The following USP25 variants were observed in gnomAD, a reference collection of about 807,000 sequenced individuals.
USP25 encodes the protein ubiquitin specific peptidase 25.
A neutral mutation model predicts 158.5 loss-of-function variants in USP25; 85 were observed. The observed-to-expected ratio is 0.54, with a 90% CI of 0.45 to 0.64. The LOEUF (loss-of-function observed/expected upper bound fraction) is 0.64, where lower values mean the gene tolerates loss of function less well. Among genes scored for constraint, USP25 ranks in the 30% least tolerant of loss-of-function variants. USP25 has a pLI of 0.00. For synonymous variants in USP25, 464 were observed against 460.4 expected, an observed-to-expected ratio of 1.01 and a Z score of -0.10; for missense variants, 1,242 against 1,327.3, an observed-to-expected ratio of 0.94 and a Z score of 1.00.
At chr21:15,748,653 G>C (rs951156015) in intron 1 of USP25, among the ~76,000 whole-genome samples, 1 of 151,792 alleles carries the variant, frequency 6.6e-6, no homozygotes, top group African/African-American at 2.4e-5. Flanking sequence ...ATATAAACTA[G>C]GCATACATTT....
At position 15,838,038 on chromosome 21, in the gene USP25, T is replaced by G. The variant is rs184392863; in HGVS notation, c.2195-4360T>G. Among the ~76,000 whole-genome samples the G allele has an allele frequency of 3.0e-4, 46 of 152,116 alleles. 2 individuals are homozygous for G. The highest frequency in any genetic ancestry group is 1.8e-3 in the Admixed American group (27 of 15,262). ...GCCTGCCGGGTTCAAGCAATTCTTGTGCCTCAGCCTCCTGAGTAGCTGAGA... is the reference window on the plus strand; with the variant it reads ...GCCTGCCGGGTTCAAGCAATTCTTGGGCCTCAGCCTCCTGAGTAGCTGAGA... On this transcript the variant is annotated intron_variant, in intron 17 of 25. Coordinates refer to ENST00000400183, the MANE Select transcript of USP25 (RefSeq NM_001283041.3).
intron 3 of USP25, chr21:15,773,283 G>A (rs2034458313): frequency 6.6e-6 from 1 of 152,278 alleles, no homozygotes; most frequent in East Asian, 1.9e-4. Context: ...ACCCATGTGA[G>A]GTACAAGATA....
At chr21:15,738,682 G>A (rs1272119601) in intron 1 of USP25, among the ~76,000 whole-genome samples, 3 of 152,060 alleles carry the variant, frequency 2.0e-5, no homozygotes, top group African/African-American at 7.2e-5. Context: ...CATTAAGGGA[G>A]GAGACCACGC....
chr21:15,750,476 C>CTGA (rs2032921195), intron 1 of USP25, among the ~76,000 whole-genome samples: 1 of 151,546 alleles, frequency 6.6e-6, no homozygotes, highest in African/African-American at 2.4e-5. Context: ...GTGATCCACC[C>CTGA]GCGAAAGGCT....
intron 2 of USP25, among the ~76,000 whole-genome samples, chr21:15,765,031 T>G (rs1055415464): frequency 8.5e-5 from 13 of 152,146 alleles, no homozygotes; most frequent in Non-Finnish European, 1.6e-4. Flanking sequence ...TAGTCTATTC[T>G]TAATACATGG....
In USP25 at chr21:15,826,049, T is replaced by C. The variant is rs1351724127; in HGVS notation, c.1305-155T>C. ...GGGAACTTTTAATGTTTTTCTTAAG[T>C]GTATATTCAGTTTTACCATCTTCGT... On this transcript the variant is annotated intron_variant, in intron 12 of 25. Coordinates refer to ENST00000400183, the MANE Select transcript of USP25 (RefSeq NM_001283041.3). This position sits in a 1 kb window ranked among gnomAD's most constrained non-coding sequence, Gnocchi z 4.8. Among the ~76,000 whole-genome samples, 2 of 152,156 alleles carry C rather than the reference T, an allele frequency of 1.3e-5. No individual in the cohort carries two copies. The highest frequency in any genetic ancestry group is 2.4e-5 in the African/African-American group (1 of 41,420).
intron 4 of USP25, among the ~76,000 whole-genome samples, chr21:15,788,150 G>T (rs1224504732): frequency 1.3e-5 from 2 of 151,606 alleles, no homozygotes; most frequent in Admixed American, 6.6e-5. Flanking sequence ...TTTGTTATAG[G>T]CTATCTCTGA....
At chr21:15,788,910 T>A (rs1043719508) in intron 4 of USP25, among the ~76,000 whole-genome samples, 1 of 152,152 alleles carries the variant, frequency 6.6e-6, no homozygotes, top group Non-Finnish European at 1.5e-5. Context: ...TCTCTTGAAC[T>A]TTAATCAAAG....
Position 15,766,222 on chromosome 21 carries a change from A to G in USP25, c.268+81A>G. 2 of 1,353,422 alleles carry G rather than the reference A, an allele frequency of 1.5e-6. No homozygotes were observed. Among genetic ancestry groups the G allele is most frequent in the African/African-American group, 1.5e-5 (1 of 67,220 alleles). The allele number at this position is 1,353,422 out of a possible 1,614,324, so 83.8% of individuals were successfully genotyped here. A position where few individuals can be genotyped will look rare whatever the true frequency, so the allele number is the denominator to read the frequency against. ...TTGGTGTAATATATTAATGTTGCTTAAGGAGAGGTAAAGAACCAAAAAAGA... is the reference window on the plus strand; with the variant it reads ...TTGGTGTAATATATTAATGTTGCTTGAGGAGAGGTAAAGAACCAAAAAAGA... On this transcript the variant is annotated intron_variant, in intron 3 of 25. Transcript: ENST00000400183. The surrounding 1 kb of genome is among the most constrained non-coding windows in gnomAD (Gnocchi z 4.0).
chr21:15,767,075 G>C (rs1429048558), intron 3 of USP25, among the ~76,000 whole-genome samples: 2 of 151,998 alleles, frequency 1.3e-5, no homozygotes, highest in Non-Finnish European at 2.9e-5. Flanking sequence ...TAGGTGATGG[G>C]AGAATGTTTG....
At chr21:15,774,419 T>G (rs1255293169) in intron 3 of USP25, among the ~76,000 whole-genome samples, 2 of 152,200 alleles carry the variant, frequency 1.3e-5, no homozygotes, top group Non-Finnish European at 2.9e-5. Context: ...AAAGTTTAGA[T>G]TTTTGCTTGA....
At position 15,827,027 on chromosome 21, in the gene USP25, C is replaced by A. The variant is rs200026676; in HGVS notation, c.1517C>A (p.Pro506His). 15 of 1,614,030 alleles carry A rather than the reference C, an allele frequency of 9.3e-6. No individual in the cohort carries two copies. Among genetic ancestry groups the A allele is most frequent in the Non-Finnish European group, 1.2e-5 (14 of 1,180,042 alleles). Reference sequence around the variant, plus strand: ...TCTTCAGAACTGCCAAGCACATCACCTTCATCAGTTGCTGCCATTTCATCG... The same window carrying A: ...TCTTCAGAACTGCCAAGCACATCACATTCATCAGTTGCTGCCATTTCATCG... ...ALSSELPSTS[P>H]SSVAAISSRS... Residue 506 changes from proline (P) to histidine (H), a missense_variant, in exon 14 of 26, where the codon CCT (proline) becomes CAT (histidine). By Grantham distance (77) the Pro-to-His change is moderately conservative. Transcript: ENST00000400183.
intron 20 of USP25, among the ~76,000 whole-genome samples, chr21:15,862,687 A>G (rs1449751337): frequency 2.6e-5 from 4 of 151,180 alleles, no homozygotes; most frequent in African/African-American, 9.7e-5. Flanking sequence ...ATATTAAAAT[A>G]CAGTTGATAT....
chr21:15,733,054 T>C lies in USP25; in HGVS notation c.45+2616T>C, dbSNP rs115574330. On this transcript the variant is annotated intron_variant, in intron 1 of 25. Coordinates refer to ENST00000400183, the MANE Select transcript of USP25 (RefSeq NM_001283041.3). ...ATATCTTCAGCCTTTGTGCTTCATGTTTACCAAAGTGTAGGAGCCTTAGAT... is the reference window on the plus strand; with the variant it reads ...ATATCTTCAGCCTTTGTGCTTCATGCTTACCAAAGTGTAGGAGCCTTAGAT... 2.3e-3 allele frequency among the ~76,000 whole-genome samples: 353 copies of C among 150,224 alleles called. 5 individuals are homozygous for C. The highest frequency in any genetic ancestry group is 8.4e-3 in the African/African-American group (341 of 40,362).
chr21:15,736,451 A>C (rs1472938621), intron 1 of USP25, among the ~76,000 whole-genome samples: 1 of 152,134 alleles, frequency 6.6e-6, no homozygotes, highest in Non-Finnish European at 1.5e-5. Context: ...ATGTGGTGAT[A>C]ACTGATAAAT....
intron 3 of USP25, among the ~76,000 whole-genome samples, chr21:15,775,741 C>CT (rs202048438): frequency 3.0e-5 from 1 of 33,742 alleles, no homozygotes; most frequent in Non-Finnish European, 6.4e-5. Context: ...TGGTTGCCAC[C>CT]CCCCCCCCCC....
chr21:15,864,186 G>A, intron 20 of USP25, 82 bp from the exon 21 acceptor site: 1 of 1,284,890 alleles, frequency 7.8e-7, no homozygotes. Flanking sequence ...TTAAATGCAA[G>A]AAGAATTAAA....
intron 20 of USP25, among the ~76,000 whole-genome samples, chr21:15,850,253 T>C (rs1159087907): frequency 6.6e-6 from 1 of 152,054 alleles, no homozygotes; most frequent in Admixed American, 6.6e-5. Flanking sequence ...TTGGTCAATA[T>C]CATAATATTC....
chr21:15,825,847 G>A (rs1301009615), intron 12 of USP25, among the ~76,000 whole-genome samples: 1 of 152,124 alleles, frequency 6.6e-6, no homozygotes, highest in Non-Finnish European at 1.5e-5. Flanking sequence ...AAAGATAGGA[G>A]GATAGTACAC....
Sources: gnomAD v4.1 joint callset for allele counts (sites outside exome capture counted in the v4.1 genomes callset) on GRCh38, gnomAD v4.1.1 for gene constraint, Gnocchi (gnomAD v3.1) non-coding constraint, MANE v1.5 for transcripts, NCBI Gene and HGNC (gene_info 2026-07-23, HGNC 2026-07-21) for gene names.